Variants in DNAH3 observed in about 807,000 individuals in gnomAD.
DNAH3 encodes axonemal beta dynein heavy chain 3.
Under a neutral mutation model 432.5 loss-of-function variants are expected in DNAH3, and 332 were observed. The ratio of observed to expected loss-of-function variants is 0.77; its 90% CI spans 0.70 to 0.84. DNAH3 has a LOEUF of 0.84. Among genes scored for constraint, DNAH3 ranks in the 40% least tolerant of loss-of-function variants. DNAH3 has a pLI of 0.00. For missense variants in DNAH3, 4,861 were observed against 5,114.0 expected (o/e 0.95, Z 1.51); for synonymous variants, 1,956 against 1,900.2 (o/e 1.03, Z -0.76).
At chr16:21,145,563 C>G (rs1013783936) in intron 2 of DNAH3, among the ~76,000 whole-genome samples, 157 bp from the exon 4 acceptor site, 2 of 152,248 alleles carry the variant, frequency 1.3e-5, no homozygotes, top group African/African-American at 4.8e-5. Context: ...CAGACACCAA[C>G]TGTACTTCTC....
At chr16:20,983,285 C>T (rs1442923317) in intron 48 of DNAH3, among the ~76,000 whole-genome samples, 3 of 152,112 alleles carry the variant, frequency 2.0e-5, no homozygotes, top group Non-Finnish European at 2.9e-5. Context: ...ACCACCACTT[C>T]CAGCTAATTT....
chr16:20,955,464 C>CT (rs113056418), intron 54 of DNAH3, among the ~76,000 whole-genome samples: 8,002 of 144,036 alleles, frequency 0.056, 259 homozygotes, highest in East Asian at 0.14. Flanking sequence ...AGCTCCTACT[C>CT]TTTTTTTTTT....
chr16:20,989,103 C>G (rs999179780), intron 44 of DNAH3, among the ~76,000 whole-genome samples: 2 of 152,158 alleles, frequency 1.3e-5, no homozygotes, highest in Non-Finnish European at 2.9e-5. Flanking sequence ...GAAAGAGACC[C>G]GAGCGGGTTA....
chr16:20,994,837 CAT>C (rs914670936), intron 44 of DNAH3, among the ~76,000 whole-genome samples: 45 of 151,442 alleles, frequency 3.0e-4, no homozygotes, highest in African/African-American at 1.0e-3. Flanking sequence ...CATGTTGTAA[CAT>C]GTCTTTTTTT....
chr16:21,074,461 C>A (rs974050505), intron 21 of DNAH3, among the ~76,000 whole-genome samples: 2 of 152,150 alleles, frequency 1.3e-5, no homozygotes, highest in Non-Finnish European at 2.9e-5. Context: ...CACCTGTAAT[C>A]CCAGCAATTT....
chr16:21,060,263 C>A lies in DNAH3; in HGVS notation c.3813+1G>T. 6.2e-7 allele frequency: 1 copy of A among 1,612,766 alleles called. No individual in the cohort carries two copies. Among genetic ancestry groups the A allele is most frequent in the South Asian group, 1.1e-5 (1 of 91,052 alleles). On this transcript the variant is annotated splice_donor_variant, in intron 26 of 61. Coordinates refer to ENST00000261383, the Ensembl canonical transcript of DNAH3. LOFTEE classifies it high-confidence loss of function. ...GCATGTGTACCCCGGTTCTTGTTTA[C>A]CTTGACATATGCTTCAATCCCAAGT...
chr16:21,130,090 T>TAAAAAAAAAAAAAAAAAAAA (rs2092525946), intron 7 of DNAH3: 1 of 60,418 alleles, frequency 1.7e-5, no homozygotes, highest in Non-Finnish European at 3.3e-5. Flanking sequence ...ACTAAATAAA[T>TAAAAAAAAAAAAAAAAAAAA]GAAAAAAAAA....
At chr16:20,963,636 A>T (rs2084920994) in exon 53 of DNAH3, 1 of 1,614,026 alleles carries the variant, frequency 6.2e-7, no homozygotes. Flanking sequence ...ATGCCTTCTC[A>T]GACAGCCATT....
intron 52 of DNAH3, 78 bp from the exon 53 acceptor site, chr16:20,965,503 G>T: frequency 8.1e-7 from 1 of 1,238,288 alleles, no homozygotes; most frequent in Non-Finnish European, 1.1e-6. Context: ...GTTACTGCTG[G>T]TATTTGAGAA....
intron 27 of DNAH3, among the ~76,000 whole-genome samples, chr16:21,056,467 A>C (rs1315035052): frequency 7.1e-6 from 1 of 140,248 alleles, no homozygotes; most frequent in Non-Finnish European, 1.5e-5. Context: ...TACTTACTGG[A>C]TGTCTGTTCT....
intron 18 of DNAH3, among the ~76,000 whole-genome samples, chr16:21,095,628 T>C (rs2091653904): frequency 6.6e-6 from 1 of 152,218 alleles, no homozygotes; most frequent in Non-Finnish European, 1.5e-5. Context: ...GTGATGTTTA[T>C]ATGAAAGTCA....
At chr16:21,095,573 C>T (rs901335278) in intron 18 of DNAH3, among the ~76,000 whole-genome samples, 6 of 151,992 alleles carry the variant, frequency 3.9e-5, no homozygotes, top group African/African-American at 1.5e-4. Flanking sequence ...GGAGACAGTC[C>T]AAAGAAATTT....
Position 21,028,863 on chromosome 16 carries a change from C to G in DNAH3, c.5440-1736G>C, listed in dbSNP as rs577657209. The stretch of plus-strand genomic sequence containing the variant: ...GTCTCCCAGGGGAGAAGAGGAAATA[C>G]GACTGATTCATTCTGCTCATCCTAA... On this transcript the variant is annotated intron_variant, in intron 37 of 61. Transcript: ENST00000261383. Among the ~76,000 whole-genome samples the G allele has an allele frequency of 2.0e-5, 3 of 152,114 alleles. No homozygotes were observed. In the East Asian group the frequency reaches 5.8e-4, roughly 29 times the overall value.
chr16:21,030,927 G>A, intron 37 of DNAH3, 118 bp downstream of exon 37: 1 of 1,020,208 alleles, frequency 9.8e-7, no homozygotes, highest in Non-Finnish European at 1.4e-6. Flanking sequence ...TATTCTTAAT[G>A]TATACAGAAT....
intron 21 of DNAH3, among the ~76,000 whole-genome samples, chr16:21,072,074 T>C (rs914034918): frequency 2.0e-5 from 3 of 152,194 alleles, no homozygotes; most frequent in Admixed American, 1.3e-4. Context: ...CCTAAGTTGT[T>C]AGAGCATAAA....
chr16:21,147,593 A>C (rs2092801700), intron 1 of DNAH3, among the ~76,000 whole-genome samples: 1 of 152,252 alleles, frequency 6.6e-6, no homozygotes, highest in African/African-American at 2.4e-5. Context: ...CTGTGTATTT[A>C]ACACACACAT....
exon 53 of DNAH3, chr16:20,964,801 C>T: frequency 1.9e-6 from 3 of 1,614,160 alleles, no homozygotes; most frequent in South Asian, 2.2e-5. Flanking sequence ...CTTGTCCTTA[C>T]ATTCAGCCAA....
At chr16:21,042,921 GT>G (rs1417743951) in intron 31 of DNAH3, among the ~76,000 whole-genome samples, 1 of 152,018 alleles carries the variant, frequency 6.6e-6, no homozygotes, top group Non-Finnish European at 1.5e-5. Flanking sequence ...AATATGCGGT[GT>G]TTGGTTTTTT....
chr16:20,970,001 C>G lies in DNAH3; in HGVS notation c.8260-11G>C. 3 of 1,613,388 alleles carry G rather than the reference C, an allele frequency of 1.9e-6. No homozygotes were observed. Among genetic ancestry groups the G allele is most frequent in the Non-Finnish European group, 2.5e-6 (3 of 1,179,946 alleles). Reference sequence around the variant, plus strand: ...CCCCTCACATTCGTTCTGTGGGCGGCATGAGGACAAAGGAGATGAGTGCCC... The same window carrying G: ...CCCCTCACATTCGTTCTGTGGGCGGGATGAGGACAAAGGAGATGAGTGCCC... On this transcript the variant is annotated splice_polypyrimidine_tract_variant and intron_variant, in intron 51 of 61. Coordinates refer to ENST00000261383, the Ensembl canonical transcript of DNAH3.
Sources: allele counts gnomAD v4.1 joint callset (sites outside exome capture counted in the v4.1 genomes callset), GRCh38; gene constraint gnomAD v4.1.1; transcripts MANE v1.5; gene names NCBI Gene and HGNC (gene_info 2026-07-23, HGNC 2026-07-21).